Variants in SMAD2 observed in about 807,000 individuals in gnomAD.
SMAD2 encodes the protein MAD homolog 2.
In SMAD2, 8 loss-of-function variants were observed where a neutral mutation model predicts 64.4. That is an observed-to-expected ratio of 0.12 (90% confidence interval 0.07 to 0.22). The LOEUF (loss-of-function observed/expected upper bound fraction) is 0.22. Among genes scored for constraint, SMAD2 ranks in the 10% least tolerant of loss-of-function variants. The pLI is 1.00. For synonymous variants in SMAD2, 203 were observed against 195.8 expected, an observed-to-expected ratio of 1.04 and a Z score of -0.31; for missense variants, 289 against 561.2, an observed-to-expected ratio of 0.51 and a Z score of 4.90.
intron 6 of SMAD2, among the ~76,000 whole-genome samples, chr18:47,858,508 T>C (rs1186052506): frequency 7.9e-5 from 12 of 152,188 alleles, no homozygotes; most frequent in Non-Finnish European, 2.9e-5. Context: ...AAAATACTTC[T>C]TTTTATCCCT....
intron 6 of SMAD2, among the ~76,000 whole-genome samples, chr18:47,862,988 CAAAAAA>C: frequency 7.0e-6 from 1 of 142,334 alleles, no homozygotes; most frequent in Admixed American, 7.0e-5. Context: ...AAATCTAAAT[CAAAAAA>C]AAAAAGAAAA....
chr18:47,902,273 A>G (rs1367590257), intron 1 of SMAD2, among the ~76,000 whole-genome samples: 6 of 151,998 alleles, frequency 3.9e-5, no homozygotes, highest in Non-Finnish European at 8.8e-5. Context: ...TTCTTTAATC[A>G]TTTTTACACC....
rs1913695206 is a variant in SMAD2, at chr18:47,839,037, C to G, written c.*2790G>C. 1 of 231,598 alleles carries G rather than the reference C, an allele frequency of 4.3e-6. No homozygotes were observed. Among genetic ancestry groups the G allele is most frequent in the Admixed American group, 5.7e-5 (1 of 17,634 alleles). The allele number at this position is 231,598 out of a possible 1,614,324, so 14.3% of individuals were successfully genotyped here. On this transcript the variant is annotated 3_prime_UTR_variant, in exon 11 of 11. Coordinates refer to ENST00000262160, the MANE Select transcript of SMAD2 (RefSeq NM_005901.6). ...GAGGGGCAGAAAACAAAAAAAAAAT[C>G]AGGCCACAGTAGATAAAATACAAAA...
chr18:47,896,921 T>C (rs1220554205), intron 1 of SMAD2, 112 bp from the exon 2 acceptor site: 1 of 971,628 alleles, frequency 1.0e-6, no homozygotes, highest in Non-Finnish European at 1.6e-6. Flanking sequence ...GAATTATGAC[T>C]TTCCCAATAG....
intron 6 of SMAD2, among the ~76,000 whole-genome samples, chr18:47,863,964 A>G (rs2031377393): frequency 6.6e-6 from 1 of 151,978 alleles, no homozygotes. Context: ...TGATTATAGC[A>G]TCTAGTAGGT....
intron 1 of SMAD2, among the ~76,000 whole-genome samples, chr18:47,899,193 A>G (rs1291937459): frequency 6.6e-6 from 1 of 152,182 alleles, no homozygotes; most frequent in Non-Finnish European, 1.5e-5. Context: ...GAATGAAAAT[A>G]CAATTCGCCA....
At chr18:47,867,247 A>G (rs1239954014) in intron 5 of SMAD2, 2 of 152,184 alleles carry the variant, frequency 1.3e-5, no homozygotes, top group Non-Finnish European at 2.9e-5. Flanking sequence ...TAAAACAGTA[A>G]TCAAAGAAAT....
chr18:47,848,981 C>T (rs1026285304), intron 7 of SMAD2, among the ~76,000 whole-genome samples: 2 of 152,092 alleles, frequency 1.3e-5, no homozygotes, highest in Non-Finnish European at 2.9e-5. Context: ...AGTCTAGCTC[C>T]TGTTCAAATA....
chr18:47,926,431 T>C (rs185241022), intron 1 of SMAD2, among the ~76,000 whole-genome samples: 9 of 152,318 alleles, frequency 5.9e-5, no homozygotes, highest in Admixed American at 3.3e-4. Flanking sequence ...TTGTGTCTTG[T>C]AGATTATCTC....
intron 10 of SMAD2, 84 bp from the exon 11 acceptor site, chr18:47,842,034 A>C: frequency 7.0e-7 from 1 of 1,432,560 alleles, no homozygotes; most frequent in Non-Finnish European, 9.8e-7. Context: ...CACTGCATTA[A>C]AAATTTACAG....
intron 2 of SMAD2, among the ~76,000 whole-genome samples, chr18:47,889,269 C>T (rs1283423911): frequency 1.3e-5 from 2 of 152,078 alleles, no homozygotes; most frequent in South Asian, 2.1e-4. Context: ...ATCTCAGGCA[C>T]TTTGGATAGT....
rs1912670004 is a variant in SMAD2, at chr18:47,824,218, T to C, written c.*17609A>G. On this transcript the variant is annotated 3_prime_UTR_variant, in exon 11 of 11. Coordinates refer to ENST00000262160, the MANE Select transcript of SMAD2 (RefSeq NM_005901.6). Reference sequence around the variant, plus strand: ...AGGTGAAAGCTGTCAGAATCAAGAGTCATGTTTCCAAAAGCCCTGACAAAT... The same window carrying C: ...AGGTGAAAGCTGTCAGAATCAAGAGCCATGTTTCCAAAAGCCCTGACAAAT... 7 of 151,914 alleles carry C rather than the reference T, an allele frequency of 4.6e-5. No individual in the cohort carries two copies. Among genetic ancestry groups the C allele is most frequent in the Admixed American group, 2.6e-4 (4 of 15,234 alleles). The allele number at this position is 151,914 out of a possible 1,614,324, so 9.4% of individuals were successfully genotyped here. A position where few individuals can be genotyped will look rare whatever the true frequency, so the allele number is the denominator to read the frequency against.
rs1912287459 is a variant in SMAD2 at position 47,813,978 on chromosome 18, G to C, written c.*27849C>G. The C allele has an allele frequency of 6.6e-6, 1 of 152,096 alleles. No individual in the cohort carries two copies. Among genetic ancestry groups the C allele is most frequent in the South Asian group, 2.1e-4 (1 of 4,802 alleles). 9.4% of individuals were successfully genotyped at this position (152,096 alleles called of 1,614,324 possible). ...GAAGAGGCAATGAAGTTTGGGGAGG[G>C]AAAGAAAAGTCTGTGGTGGAGGTGA... On this transcript the variant is annotated 3_prime_UTR_variant, in exon 11 of 11. Transcript: ENST00000262160.
intron 2 of SMAD2, among the ~76,000 whole-genome samples, chr18:47,874,250 A>G (rs951974042): frequency 2.0e-5 from 3 of 152,228 alleles, no homozygotes; most frequent in African/African-American, 7.2e-5. Flanking sequence ...CAATCTTGAA[A>G]AAGAATTACT....
intron 2 of SMAD2, among the ~76,000 whole-genome samples, chr18:47,887,349 G>A (rs763258263): frequency 3.3e-5 from 5 of 152,102 alleles, no homozygotes; most frequent in Non-Finnish European, 5.9e-5. Flanking sequence ...GGCCCCTCCC[G>A]GTTCTGAAAT....
rs190447986 is a variant in SMAD2, at chr18:47,847,040, T to C, written c.998-1240A>G. On this transcript the variant is annotated intron_variant, in intron 8 of 10. Coordinates refer to ENST00000262160, the MANE Select transcript of SMAD2 (RefSeq NM_005901.6). Reference sequence around the variant, plus strand: ...TTTTCAGGCTATATTCCCTGATCAATATCACCTATAAAACTAGAAATAAAA... The same window carrying C: ...TTTTCAGGCTATATTCCCTGATCAACATCACCTATAAAACTAGAAATAAAA... Among the ~76,000 whole-genome samples, 11 of 152,150 alleles carry C rather than the reference T, an allele frequency of 7.2e-5. No homozygotes were observed. The East Asian group carries it at 2.1e-3, about 29-fold the overall frequency.
intron 2 of SMAD2, among the ~76,000 whole-genome samples, chr18:47,881,405 T>A (rs958387292): frequency 6.6e-6 from 1 of 152,190 alleles, no homozygotes; most frequent in Non-Finnish European, 1.5e-5. Context: ...GCTGCTAGTA[T>A]TTACAAAAAT....
At chr18:47,911,276 G>A (rs1459058041) in intron 1 of SMAD2, among the ~76,000 whole-genome samples, 5 of 151,888 alleles carry the variant, frequency 3.3e-5, no homozygotes, top group African/African-American at 1.2e-4. Context: ...GCTTGAACCT[G>A]GGAGGCAGAG....
intron 6 of SMAD2, among the ~76,000 whole-genome samples, chr18:47,855,096 T>G (rs962460326): frequency 5.3e-5 from 8 of 152,198 alleles, no homozygotes; most frequent in African/African-American, 1.9e-4. Flanking sequence ...ATAGTAAGTC[T>G]TCATTTAACA....
Sources: gnomAD v4.1 joint callset for allele counts (sites outside exome capture counted in the v4.1 genomes callset) on GRCh38, gnomAD v4.1.1 for gene constraint, MANE v1.5 for transcripts, NCBI Gene and HGNC (gene_info 2026-07-23, HGNC 2026-07-21) for gene names.